The following NREP variants were observed in gnomAD, a reference collection of about 807,000 sequenced individuals.
The protein encoded by NREP is neuronal regeneration-related protein.
Under a neutral mutation model 8.6 loss-of-function variants are expected in NREP, and 5 were observed. That is an observed-to-expected ratio of 0.58 (90% CI 0.30 to 1.22). The LOEUF is 1.22. Ranked by LOEUF, NREP falls within the 50% of genes most tolerant of loss-of-function variation. NREP has a pLI of 0.07. For synonymous variants in NREP, 27 were observed against 28.0 expected, an observed-to-expected ratio of 0.96 and a Z score of 0.11; for missense variants, 86 against 82.5, an observed-to-expected ratio of 1.04 and a Z score of -0.17.
At chr5:111,841,782 C>T (rs1321166093) in intron 2 of NREP, among the ~76,000 whole-genome samples, 1 of 152,098 alleles carries the variant, frequency 6.6e-6, no homozygotes, top group African/African-American at 2.4e-5. Context: ...AGAGACCCCT[C>T]TTCTGGTCAA....
intron 2 of NREP, among the ~76,000 whole-genome samples, chr5:111,873,108 T>A (rs893812414): frequency 6.6e-6 from 1 of 152,200 alleles, no homozygotes; most frequent in Non-Finnish European, 1.5e-5. Context: ...ATTGCTGTTG[T>A]GAAAATTAAA....
chr5:111,858,133 C>T (rs2112477587), intron 2 of NREP, among the ~76,000 whole-genome samples: 1 of 152,190 alleles, frequency 6.6e-6, no homozygotes, highest in East Asian at 1.9e-4. Context: ...GATAGAAATG[C>T]TCATTTTTAT....
At chr5:111,947,402 G>A (rs774218746) in intron 2 of NREP, among the ~76,000 whole-genome samples, 2 of 151,846 alleles carry the variant, frequency 1.3e-5, no homozygotes, top group Non-Finnish European at 2.9e-5. Context: ...ATATTCAATT[G>A]TATTATATAA....
intron 2 of NREP, among the ~76,000 whole-genome samples, chr5:111,957,562 G>A (rs1463621019): frequency 6.8e-6 from 1 of 147,868 alleles, no homozygotes; most frequent in Non-Finnish European, 1.5e-5. Flanking sequence ...TGTTATCTAT[G>A]ATATTAATAT....
At chr5:111,875,045 C>T (rs1006455822) in intron 2 of NREP, among the ~76,000 whole-genome samples, 1 of 152,044 alleles carries the variant, frequency 6.6e-6, no homozygotes, top group Non-Finnish European at 1.5e-5. Context: ...CAGAACTTTT[C>T]CAAAGAGTAG....
At chr5:111,862,406 C>T (rs1248298546) in intron 2 of NREP, among the ~76,000 whole-genome samples, 1 of 152,082 alleles carries the variant, frequency 6.6e-6, no homozygotes, top group Non-Finnish European at 1.5e-5. Context: ...GTAACTCTTT[C>T]CAAAGAATGA....
At chr5:111,956,528 A>T (rs1756325278) in intron 2 of NREP, among the ~76,000 whole-genome samples, 1 of 152,140 alleles carries the variant, frequency 6.6e-6, no homozygotes, top group Non-Finnish European at 1.5e-5. Flanking sequence ...ATCAAGTGAC[A>T]TGAAGAATAT....
chr5:111,910,876 T>C (rs1373738351), intron 2 of NREP, among the ~76,000 whole-genome samples: 1 of 152,076 alleles, frequency 6.6e-6, no homozygotes, highest in Non-Finnish European at 1.5e-5. Context: ...GGATAGCTGC[T>C]ATTGTGACTC....
At chr5:111,954,400 T>A (rs1040449032) in intron 2 of NREP, among the ~76,000 whole-genome samples, 4 of 152,204 alleles carry the variant, frequency 2.6e-5, no homozygotes, top group African/African-American at 7.2e-5. Flanking sequence ...GTTCTTGGTT[T>A]GGCAGAGGTT....
chr5:111,828,390 G>T (rs1327020562), intron 2 of NREP, among the ~76,000 whole-genome samples: 1 of 152,072 alleles, frequency 6.6e-6, no homozygotes, highest in South Asian at 2.1e-4. Flanking sequence ...GGGAGTGAGG[G>T]AGTATGGAGG....
At chr5:111,822,318 A>T (rs1467734569) in intron 2 of NREP, among the ~76,000 whole-genome samples, 1 of 152,216 alleles carries the variant, frequency 6.6e-6, no homozygotes, top group African/African-American at 2.4e-5. Context: ...ACAACAGATA[A>T]CTAAAAGACT....
chr5:111,975,501 C>T, intron 1 of NREP: 1 of 669,950 alleles, frequency 1.5e-6, no homozygotes, highest in East Asian at 2.7e-5. Context: ...ATGAGAAGGA[C>T]ACTGACTGGC....
chr5:111,914,398 G>A (rs992606032), intron 2 of NREP, among the ~76,000 whole-genome samples: 14 of 152,214 alleles, frequency 9.2e-5, no homozygotes, highest in Admixed American at 7.2e-4. Flanking sequence ...TTAGGTCATA[G>A]CCTGTTCCAC....
intron 2 of NREP, among the ~76,000 whole-genome samples, chr5:111,812,227 C>A (rs1000116097): frequency 2.0e-5 from 3 of 151,986 alleles, no homozygotes; most frequent in Admixed American, 2.0e-4. Flanking sequence ...GTGGAGGTTG[C>A]GGTGAGGGGA....
intron 2 of NREP, among the ~76,000 whole-genome samples, chr5:111,784,957 C>A (rs1751574662): frequency 6.6e-6 from 1 of 152,012 alleles, no homozygotes; most frequent in Non-Finnish European, 1.5e-5. Flanking sequence ...CTGCTCTAGC[C>A]AAGGGAAGGC....
chr5:111,891,386 TAAA>T (rs976614670), intron 2 of NREP, among the ~76,000 whole-genome samples: 16 of 152,206 alleles, frequency 1.1e-4, no homozygotes, highest in African/African-American at 3.6e-4. Flanking sequence ...TAACAGTCTC[TAAA>T]AAATTTCAAA....
At position 111,857,796 on chromosome 5, in the gene NREP, A is replaced by C. The variant is rs183271802; in HGVS notation, c.135+117478T>G. 2.5e-3 allele frequency among the ~76,000 whole-genome samples: 385 copies of C among 152,278 alleles called. 1 individual carries two copies. Among genetic ancestry groups the C allele is most frequent in the African/African-American group, 8.5e-3 (353 of 41,562 alleles). On this transcript the variant is annotated intron_variant, in intron 2 of 3. Coordinates refer to the NREP transcript ENST00000395634. ...TAAATATTTGTTAAATGAGAAAATA[A>C]ATGGATGCATATGCTGTTTTCTGTT...
At chr5:111,842,473 C>T (rs948872179) in intron 2 of NREP, among the ~76,000 whole-genome samples, 1 of 152,142 alleles carries the variant, frequency 6.6e-6, no homozygotes, top group African/African-American at 2.4e-5. Flanking sequence ...CATCCCAGAA[C>T]TCTACATTTC....
intron 2 of NREP, among the ~76,000 whole-genome samples, chr5:111,935,316 T>G (rs1032619924): frequency 6.6e-6 from 1 of 151,990 alleles, no homozygotes; most frequent in African/African-American, 2.4e-5. Flanking sequence ...AGAGATCAAC[T>G]TACCCCAGCA....
Sources: gnomAD v4.1 joint callset for allele counts (sites outside exome capture counted in the v4.1 genomes callset) on GRCh38, gnomAD v4.1.1 for gene constraint, MANE v1.5 for transcripts, NCBI Gene and HGNC (gene_info 2026-07-23, HGNC 2026-07-21) for gene names.